Variants in TMEM45A observed in about 807,000 individuals in gnomAD.
The protein encoded by TMEM45A is transmembrane protein 45A.
In TMEM45A, 25 loss-of-function variants were observed where a neutral mutation model predicts 32.0. The ratio of observed to expected loss-of-function variants is 0.78; its 90% confidence interval spans 0.57 to 1.09. The LOEUF (loss-of-function observed/expected upper bound fraction) is 1.09. TMEM45A is among the 50% of genes least tolerant of loss of function. The probability of loss-of-function intolerance (pLI) is 0.00; values close to 1 mark genes in which losing one functional copy is unlikely to be tolerated. For missense variants in TMEM45A, 302 were observed against 325.0 expected (o/e 0.93, Z 0.54); for synonymous variants, 122 against 114.8 (o/e 1.06, Z -0.40).
chr3:100,493,349 T>C (rs56118470), intron 1 of TMEM45A, among the ~76,000 whole-genome samples: 3,501 of 152,132 alleles, frequency 0.023, 119 homozygotes, highest in African/African-American at 0.08. Flanking sequence ...ATCTGATCTT[T>C]TCAGAATTAA....
Position 100,558,826 on chromosome 3 carries a change from G to T in TMEM45A, c.588+237G>T, listed in dbSNP as rs150445144. On this transcript the variant is annotated intron_variant, in intron 4 of 5. Coordinates refer to ENST00000323523, the MANE Select transcript of TMEM45A (RefSeq NM_018004.3). ...ATCACACCTGGACATCCATTATGTA[G>T]GAACTCTGAGCCGATGCTTTTAGTT... is the stretch of plus-strand genomic sequence containing the variant. Among the ~76,000 whole-genome samples, 15 of 152,280 alleles carry T rather than the reference G, an allele frequency of 9.9e-5. No homozygotes were observed. The Middle Eastern group carries it at 0.014, about 138-fold the overall frequency.
At position 100,513,560 on chromosome 3, in the gene TMEM45A, A is replaced by T. The variant is rs369993366; in HGVS notation, c.-4+20632A>T. ...AACTGGAAGCATTCCCTTTGAAAAC[A>T]GGCACAAGACAGTGATGCCCTCTCT... On this transcript the variant is annotated intron_variant, in intron 1 of 5. Transcript: ENST00000323523. 8.4e-4 allele frequency among the ~76,000 whole-genome samples: 126 copies of T among 150,174 alleles called. 1 individual carries two copies. The highest frequency in any genetic ancestry group is 1.8e-3 in the African/African-American group (72 of 40,112).
At chr3:100,496,514 A>G (rs1343926624) in intron 1 of TMEM45A, among the ~76,000 whole-genome samples, 1 of 152,266 alleles carries the variant, frequency 6.6e-6, no homozygotes, top group Non-Finnish European at 1.5e-5. Flanking sequence ...TAATACAGCT[A>G]CAGCTGCTCT....
intron 1 of TMEM45A, among the ~76,000 whole-genome samples, chr3:100,539,432 GATATGTATATGTATATGTATATGT>G (rs61585906): frequency 1.2e-5 from 1 of 83,032 alleles, no homozygotes. Context: ...AACCCAATAG[GATATGTATATGTATATGTATATGT>G]ATATGTATAT....
chr3:100,550,042 T>G, intron 1 of TMEM45A, among the ~76,000 whole-genome samples: 1 of 83,636 alleles, frequency 1.2e-5, no homozygotes, highest in African/African-American at 4.8e-5. Flanking sequence ...CTGGGGACTG[T>G]GGTGGGGTGG....
At chr3:100,501,523 G>A (rs1708008091) in intron 1 of TMEM45A, among the ~76,000 whole-genome samples, 1 of 152,196 alleles carries the variant, frequency 6.6e-6, no homozygotes, top group Admixed American at 6.5e-5. Context: ...ACAGTTGGAG[G>A]AAAGCTCTAC....
chr3:100,546,848 A>G (rs1325930381), intron 1 of TMEM45A, among the ~76,000 whole-genome samples: 2 of 152,200 alleles, frequency 1.3e-5, no homozygotes, highest in Admixed American at 1.3e-4. Context: ...TCAGACATAC[A>G]AGGACTTTGA....
chr3:100,523,233 C>T (rs1006686501), intron 1 of TMEM45A, among the ~76,000 whole-genome samples: 4 of 152,168 alleles, frequency 2.6e-5, no homozygotes, highest in African/African-American at 9.7e-5. Context: ...TTTGTGTTGC[C>T]GTGAACCACA....
At chr3:100,493,399 C>T (rs1482085228) in intron 1 of TMEM45A, among the ~76,000 whole-genome samples, 1 of 151,808 alleles carries the variant, frequency 6.6e-6, no homozygotes, top group Admixed American at 6.6e-5. Flanking sequence ...ATATAAATTA[C>T]GTAAAACCTG....
chr3:100,549,105 G>C (rs553802183), intron 1 of TMEM45A, among the ~76,000 whole-genome samples: 1 of 152,044 alleles, frequency 6.6e-6, no homozygotes, highest in East Asian at 1.9e-4. Context: ...AAAATTAGCT[G>C]GTATGGTGGC....
At chr3:100,528,513 G>A (rs1385393706) in intron 1 of TMEM45A, among the ~76,000 whole-genome samples, 2 of 152,208 alleles carry the variant, frequency 1.3e-5, no homozygotes, top group African/African-American at 4.8e-5. Context: ...TCAAGGGACA[G>A]AGGAGGAGGC....
At chr3:100,528,554 C>T (rs1478899784) in intron 1 of TMEM45A, among the ~76,000 whole-genome samples, 1 of 152,068 alleles carries the variant, frequency 6.6e-6, no homozygotes, top group Admixed American at 6.6e-5. Context: ...CTCACTTGGA[C>T]CCCTTGTTTT....
rs1576296068 is a variant in TMEM45A, at chr3:100,569,667, A to G, written c.734+700A>G. On this transcript the variant is annotated intron_variant, in intron 5 of 5. Transcript: ENST00000323523. ...GTATTTAAGCTTAGGACATAATAAG[A>G]GCTCAATAAATATTATTGTCTTGTT... 3.9e-5 allele frequency among the ~76,000 whole-genome samples: 6 copies of G among 152,290 alleles called. 1 individual carries two copies. The South Asian group carries it at 1.2e-3, about 32-fold the overall frequency.
intron 4 of TMEM45A, among the ~76,000 whole-genome samples, chr3:100,561,100 C>T (rs751876610): frequency 1.3e-5 from 2 of 152,082 alleles, no homozygotes; most frequent in Admixed American, 6.6e-5. Flanking sequence ...TTAATACCAG[C>T]GCAAACACAC....
At chr3:100,519,710 T>G in intron 1 of TMEM45A, 1 of 1,203,340 alleles carries the variant, frequency 8.3e-7, no homozygotes. Flanking sequence ...GTACCGTGTA[T>G]TTATGACATT....
At chr3:100,559,627 T>C (rs1706289950) in intron 4 of TMEM45A, among the ~76,000 whole-genome samples, 1 of 151,984 alleles carries the variant, frequency 6.6e-6, no homozygotes, top group Non-Finnish European at 1.5e-5. Context: ...TTATATAAAA[T>C]CTATATCTCT....
chr3:100,509,099 A>T (rs189367825), intron 1 of TMEM45A, among the ~76,000 whole-genome samples: 35 of 152,310 alleles, frequency 2.3e-4, no homozygotes, highest in Admixed American at 2.2e-3. Context: ...TATACAACGA[A>T]CTCCATCAAC....
Position 100,558,325 on chromosome 3 carries a change from T to C in TMEM45A, c.404-80T>C, listed in dbSNP as rs1706263251. The stretch of plus-strand genomic sequence containing the variant: ...AAATGTGTGTATGTGTAAAATTCTG[T>C]CTACGGAGAGAGGGAGAGAGAGAAA... On this transcript the variant is annotated intron_variant, in intron 3 of 5. Coordinates refer to ENST00000323523, the MANE Select transcript of TMEM45A (RefSeq NM_018004.3). 3 of 1,551,914 alleles carry C rather than the reference T, an allele frequency of 1.9e-6. No homozygotes were observed. In the African/African-American group the frequency reaches 4.1e-5, roughly 21 times the overall value.
At chr3:100,504,122 C>G (rs1208503771) in intron 1 of TMEM45A, among the ~76,000 whole-genome samples, 3 of 152,194 alleles carry the variant, frequency 2.0e-5, no homozygotes, top group African/African-American at 7.2e-5. Flanking sequence ...TCCTCTGTGC[C>G]TGATCCACTC....
Sources: gnomAD v4.1 joint callset for allele counts (sites outside exome capture counted in the v4.1 genomes callset) on GRCh38, gnomAD v4.1.1 for gene constraint, MANE v1.5 for transcripts, NCBI Gene and HGNC (gene_info 2026-07-23, HGNC 2026-07-21) for gene names.